The following SUPT3H variants were observed in gnomAD, a reference collection of about 807,000 sequenced individuals.
SUPT3H encodes transcription initiation protein SPT3 homolog.
Under a neutral mutation model 44.3 loss-of-function variants are expected in SUPT3H, and 44 were observed. The ratio of observed to expected loss-of-function variants is 0.99; its 90% CI spans 0.78 to 1.28. SUPT3H has a LOEUF of 1.28. Ranked by LOEUF, SUPT3H falls within the 50% of genes most tolerant of loss-of-function variation. SUPT3H has a pLI of 0.00. For missense variants in SUPT3H, 380 were observed against 387.1 expected (o/e 0.98, Z 0.15); for synonymous variants, 124 against 125.6 (o/e 0.99, Z 0.09).
chr6:45,285,875 T>C (rs1051040186), intron 2 of SUPT3H, among the ~76,000 whole-genome samples: 3 of 152,062 alleles, frequency 2.0e-5, no homozygotes, highest in Non-Finnish European at 2.9e-5. Flanking sequence ...CAAAACAGAA[T>C]GGTACTGGTA....
chr6:44,866,327 G>A lies in SUPT3H; in HGVS notation c.913-36470C>T, dbSNP rs75381330. Among the ~76,000 whole-genome samples the A allele has an allele frequency of 4.7e-4, 72 of 152,030 alleles. No homozygotes were observed. The East Asian group carries it at 0.012, about 26-fold the overall frequency. ...GAAAAAGAAAGAAAATACTAAAAAT[G>A]ACAAAAGCAAACCCGGCTTAGCAGT... On this transcript the variant is annotated intron_variant, in intron 10 of 10. Transcript: ENST00000371459.
At position 44,909,142 on chromosome 6, in the gene SUPT3H, C is replaced by T. The variant is rs147503694; in HGVS notation, c.912+23511G>A. Among the ~76,000 whole-genome samples the T allele has an allele frequency of 1.5e-3, 227 of 147,010 alleles. 1 individual carries two copies. The highest frequency in any genetic ancestry group is 0.012 in the East Asian group (61 of 5,010). On this transcript the variant is annotated intron_variant, in intron 10 of 10. Transcript: ENST00000371459. ...CCTAAGAGGTGTGTGTGTGTGTGTG[C>T]GTGTGTGTGTGTGTGTGTGTGTGTG...
At chr6:45,269,076 C>A (rs546119061) in intron 2 of SUPT3H, among the ~76,000 whole-genome samples, 1 of 152,176 alleles carries the variant, frequency 6.6e-6, no homozygotes, top group East Asian at 1.9e-4. Flanking sequence ...ATATCATACT[C>A]CAATCACCAC....
At chr6:45,165,899 G>C (rs1375536162) in intron 2 of SUPT3H, among the ~76,000 whole-genome samples, 1 of 152,122 alleles carries the variant, frequency 6.6e-6, no homozygotes, top group Non-Finnish European at 1.5e-5. Context: ...TGTAATCCCA[G>C]AAAGAGAAGA....
Position 44,977,580 on chromosome 6 carries a change from A to G in SUPT3H, c.505-15752T>C, listed in dbSNP as rs145896866. Among the ~76,000 whole-genome samples the G allele has an allele frequency of 4.8e-3, 726 of 152,284 alleles. 4 individuals carry two copies. The highest frequency in any genetic ancestry group is 0.017 in the African/African-American group (693 of 41,574). On this transcript the variant is annotated intron_variant, in intron 6 of 10. Coordinates refer to ENST00000371459, the MANE Select transcript of SUPT3H (RefSeq NM_003599.4). Reference sequence around the variant, plus strand: ...TACATGCATCTTATCTGATCTCACAAGCTAAACTGGGTCAGGTTTGTTTAG... The same window carrying G: ...TACATGCATCTTATCTGATCTCACAGGCTAAACTGGGTCAGGTTTGTTTAG...
At chr6:45,318,303 T>C (rs1785001408) in intron 2 of SUPT3H, among the ~76,000 whole-genome samples, 1 of 152,132 alleles carries the variant, frequency 6.6e-6, no homozygotes, top group Admixed American at 6.5e-5. Context: ...TTTAGGGCAG[T>C]GAAACTATTC....
chr6:45,281,464 G>A (rs1452801659), intron 2 of SUPT3H, among the ~76,000 whole-genome samples: 2 of 152,146 alleles, frequency 1.3e-5, no homozygotes, highest in Non-Finnish European at 2.9e-5. Flanking sequence ...TGGCTCAGAG[G>A]GTCCTGTGCC....
At chr6:45,034,316 A>G (rs1294912302) in intron 3 of SUPT3H, among the ~76,000 whole-genome samples, 1 of 151,948 alleles carries the variant, frequency 6.6e-6, no homozygotes, top group Non-Finnish European at 1.5e-5. Flanking sequence ...GTCCCCTCCC[A>G]CAGGCCAAAA....
intron 2 of SUPT3H, among the ~76,000 whole-genome samples, chr6:45,228,595 A>G (rs190453242): frequency 2.2e-3 from 331 of 152,234 alleles, no homozygotes; most frequent in African/African-American, 7.4e-3. Flanking sequence ...GCGCGCGCGC[A>G]CACACACACA....
intron 2 of SUPT3H, among the ~76,000 whole-genome samples, chr6:45,195,529 T>C (rs1815872852): frequency 6.6e-6 from 1 of 152,178 alleles, no homozygotes; most frequent in East Asian, 1.9e-4. Context: ...AACAAACTTT[T>C]AGAACACAGT....
At chr6:45,199,208 T>C (rs551849703) in intron 2 of SUPT3H, among the ~76,000 whole-genome samples, 2 of 151,390 alleles carry the variant, frequency 1.3e-5, no homozygotes, top group South Asian at 2.1e-4. Context: ...TAAATGTATA[T>C]ATGTGATTAA....
At chr6:44,820,075 C>T (rs112814918) in intron 11 of SUPT3H, among the ~76,000 whole-genome samples, 2,392 of 150,488 alleles carry the variant, frequency 0.016, 41 homozygotes, top group South Asian at 0.027. Context: ...AAATATTAGC[C>T]GGGCATGGTG....
intron 10 of SUPT3H, among the ~76,000 whole-genome samples, chr6:44,864,759 C>A (rs971312612): frequency 6.6e-6 from 1 of 152,214 alleles, no homozygotes; most frequent in African/African-American, 2.4e-5. Context: ...AAAAAAAACA[C>A]TCTTTTCTCC....
chr6:45,162,345 A>C (rs1247821171), intron 2 of SUPT3H, among the ~76,000 whole-genome samples: 9 of 152,006 alleles, frequency 5.9e-5, no homozygotes. Flanking sequence ...GCAACATAGC[A>C]AGATCCCTTC....
At chr6:45,342,197 A>G (rs1251467954) in intron 2 of SUPT3H, among the ~76,000 whole-genome samples, 1 of 152,130 alleles carries the variant, frequency 6.6e-6, no homozygotes, top group Non-Finnish European at 1.5e-5. Flanking sequence ...AAATAGAATG[A>G]GTTCTCTTTG....
intron 3 of SUPT3H, among the ~76,000 whole-genome samples, chr6:45,022,776 G>A (rs1785353609): frequency 6.6e-6 from 1 of 151,970 alleles, no homozygotes. Context: ...GCTAATTAAA[G>A]TAACTCATAC....
chr6:45,181,193 A>G (rs9369540), intron 2 of SUPT3H, among the ~76,000 whole-genome samples: 10,321 of 79,202 alleles, frequency 0.13, 698 homozygotes, highest in East Asian at 0.27. Context: ...TTAGAATGGC[A>G]ATCATTAAAA....
chr6:45,209,591 C>T (rs2093902), intron 2 of SUPT3H, among the ~76,000 whole-genome samples: 64 of 152,292 alleles, frequency 4.2e-4, no homozygotes, highest in South Asian at 1.5e-3. Context: ...TGAGGAGTTG[C>T]TTCTTATGGA....
rs1773821752 is a variant in SUPT3H, at chr6:44,856,875, T to A, written c.913-27018A>T. ...TGCTAATTTAAGGCAAAGGTAATGA[T>A]TCCGTTGATTTAACAGTTTGACATG... On this transcript the variant is annotated intron_variant, in intron 10 of 10. Transcript: ENST00000371459. Among the ~76,000 whole-genome samples, 3 of 152,230 alleles carry A rather than the reference T, an allele frequency of 2.0e-5. No individual in the cohort carries two copies. The South Asian group carries it at 6.2e-4, about 32-fold the overall frequency.
Sources: gnomAD v4.1 joint callset for allele counts (sites outside exome capture counted in the v4.1 genomes callset) on GRCh38, gnomAD v4.1.1 for gene constraint, MANE v1.5 for transcripts, NCBI Gene and HGNC (gene_info 2026-07-23, HGNC 2026-07-21) for gene names.